Variants in KCP observed in about 807,000 individuals in gnomAD.
KCP encodes kielin/chordin-like protein.
KCP carries 194 observed loss-of-function variants against 212.7 expected under a neutral mutation model. The ratio of observed to expected loss-of-function variants is 0.91; its 90% CI spans 0.81 to 1.03. KCP has a LOEUF of 1.03. Among genes scored for constraint, KCP ranks in the 50% least tolerant of loss-of-function variants. The pLI is 0.00. For missense variants in KCP, 2,080 were observed against 2,162.5 expected, an observed-to-expected ratio of 0.96 and a Z score of 0.76; for synonymous variants, 833 against 865.3, an observed-to-expected ratio of 0.96 and a Z score of 0.65.
rs1242910848 is a variant in KCP at position 128,891,171 on chromosome 7, G to C, written c.1972+14C>G. On this transcript the variant is annotated intron_variant, in intron 19 of 39. Coordinates refer to ENST00000610776, the MANE Select transcript of KCP (RefSeq NM_001366122.1). Reference sequence around the variant, plus strand: ...GACCCCCAGGGAGGAGCAGCCGAGGGGTGCGGCCCCTACCTGGGCACTGCG... The same window carrying C: ...GACCCCCAGGGAGGAGCAGCCGAGGCGTGCGGCCCCTACCTGGGCACTGCG... The C allele has an allele frequency of 6.5e-7, 1 of 1,541,434 alleles. No individual in the cohort carries two copies. The highest frequency in any genetic ancestry group is 8.7e-7 in the Non-Finnish European group (1 of 1,146,072).
chr7:128,892,894 G>A lies in KCP; in HGVS notation c.1395C>T (p.Pro465=). Residue 465 remains proline (P), a synonymous_variant, in exon 14 of 40, where the codon CCC becomes CCT. Transcript: ENST00000610776. ...CAGGGGGCTGGGTGGGGTGCTGGCA[G>A]GGGGCTGGGGGGCAGAGCACAGCCC... The part of the protein sequence containing the change: ...KCGAVLCPPA[P]CQHPTQPPGA... 6.5e-7 allele frequency: 1 copy of A among 1,546,972 alleles called. No homozygotes were observed. The highest frequency in any genetic ancestry group is 8.7e-7 in the Non-Finnish European group (1 of 1,143,300).
At chr7:128,906,469 G>C in intron 4 of KCP, 106 bp from the exon 5 acceptor site, 1 of 805,042 alleles carries the variant, frequency 1.2e-6, no homozygotes, top group East Asian at 2.7e-5. Flanking sequence ...AGGGGCAAGA[G>C]GATGAGTTGG....
In KCP at chr7:128,884,761, A is replaced by G; in HGVS notation, c.3123+20T>C. On this transcript the variant is annotated intron_variant, in intron 28 of 39. Transcript: ENST00000610776. ...CCCCCCGACGAGGTGCCCCAGCCCC[A>G]CCACTGTGCCCTCACCTACCTCGCA... The G allele has an allele frequency of 6.5e-7, 1 of 1,549,986 alleles. No homozygotes were observed. Among genetic ancestry groups the G allele is most frequent in the Non-Finnish European group, 8.7e-7 (1 of 1,146,402 alleles).
chr7:128,877,605 G>C lies in KCP; in HGVS notation c.4497C>G (p.Asp1499Glu), dbSNP rs138150784. 8.0e-5 allele frequency: 124 copies of C among 1,551,710 alleles called. No individual in the cohort carries two copies. In the African/African-American group the frequency reaches 1.6e-3, roughly 19 times the overall value. ...PEPFFAACVYDLCACGPGSSA... is the reference protein window; with the variant it reads ...PEPFFAACVYELCACGPGSSA... ...AGGAGCCAGGGCCACAGGCACACAG[G>C]TCATACACACAGGCGGCAAAGAAGG... Residue 1499 changes from aspartate (D) to glutamate (E), a missense_variant, in exon 39 of 40, where the codon GAC (aspartate) becomes GAG (glutamate). Physicochemically the swap from Asp to Glu is conservative, Grantham distance 45. Coordinates refer to ENST00000610776, the MANE Select transcript of KCP (RefSeq NM_001366122.1).
At chr7:128,904,770 G>C (rs1341886029) in intron 5 of KCP, among the ~76,000 whole-genome samples, 1 of 152,240 alleles carries the variant, frequency 6.6e-6, no homozygotes, top group Non-Finnish European at 1.5e-5. Flanking sequence ...CCACATTAAA[G>C]GGGCACCATT....
rs938449312 is a variant in KCP, at chr7:128,885,385, A to T, written c.2867-115T>A. The T allele has an allele frequency of 4.6e-6, 5 of 1,089,660 alleles. No individual in the cohort carries two copies. In the African/African-American group the frequency reaches 6.3e-5, roughly 14 times the overall value. 67.5% of individuals were successfully genotyped at this position (1,089,660 alleles called of 1,614,324 possible). A position where few individuals can be genotyped will look rare whatever the true frequency, so the allele number is the denominator to read the frequency against. On this transcript the variant is annotated intron_variant, in intron 26 of 39. Transcript: ENST00000610776. ...TGGCGCCAGGAGTGAGTTTGCAGGGATATGGCGGGAAGGTGCGATGGGGCA... is the reference window on the plus strand; with the variant it reads ...TGGCGCCAGGAGTGAGTTTGCAGGGTTATGGCGGGAAGGTGCGATGGGGCA...
At chr7:128,896,393 G>A (rs992788727) in intron 8 of KCP, among the ~76,000 whole-genome samples, 1 of 152,160 alleles carries the variant, frequency 6.6e-6, no homozygotes, top group Non-Finnish European at 1.5e-5. Flanking sequence ...GAGGGTTAGA[G>A]GCCCCTCTGG....
rs765581393 is a variant in KCP, at chr7:128,902,728, G to A, written c.831+49C>T. 2.7e-6 allele frequency: 4 copies of A among 1,466,564 alleles called. No homozygotes were observed. The African/African-American group carries it at 4.2e-5, about 15-fold the overall frequency. The allele number at this position is 1,466,564 out of a possible 1,614,324, so 90.8% of individuals were successfully genotyped here. A position where few individuals can be genotyped will look rare whatever the true frequency, so the allele number is the denominator to read the frequency against. On this transcript the variant is annotated intron_variant, in intron 8 of 39. Coordinates refer to ENST00000610776, the MANE Select transcript of KCP (RefSeq NM_001366122.1). ...ATAGAATGAGCAAATGAATACAGTG[G>A]GCCTGAGGGCAGGGAGGGGGACAGA...
At chr7:128,877,815 G>GT in intron 38 of KCP, 25 bp from the exon 39 acceptor site, 1 of 1,527,180 alleles carries the variant, frequency 6.5e-7, no homozygotes, top group Non-Finnish European at 8.8e-7. Flanking sequence ...CAGCCCTGAC[G>GT]TGACAGCACC....
rs1371672076 is a variant in KCP, at chr7:128,882,010, A to G, written c.3251T>C (p.Leu1084Ser). The change falls in exon 30 of 40, where the codon TTG becomes TCG. Residue 1084 changes from leucine to serine, a missense_variant. Leu to Ser is a moderately radical substitution (Grantham distance 145). Transcript: ENST00000610776. The part of the protein sequence containing the change: ...QHCCPTCAEA[L>S]SNCSEGLLGS... ...CAGCAGGCCCTCTGAACAGTTACTCAAGGCCTCTGTGAAGACAAGAATCCA... is the reference window on the plus strand; with the variant it reads ...CAGCAGGCCCTCTGAACAGTTACTCGAGGCCTCTGTGAAGACAAGAATCCA... 6.4e-7 allele frequency: 1 copy of G among 1,550,960 alleles called. No individual in the cohort carries two copies. Among genetic ancestry groups the G allele is most frequent in the African/African-American group, 1.4e-5 (1 of 73,116 alleles).
chr7:128,895,526 G>A (rs1461561895), intron 8 of KCP, among the ~76,000 whole-genome samples: 1 of 152,234 alleles, frequency 6.6e-6, no homozygotes, highest in Non-Finnish European at 1.5e-5. Flanking sequence ...TGTGTCAGAG[G>A]CGTTTGAACC....
At chr7:128,885,769 C>T (rs528989113) in intron 26 of KCP, among the ~76,000 whole-genome samples, 2 of 152,160 alleles carry the variant, frequency 1.3e-5, no homozygotes, top group South Asian at 4.1e-4. Flanking sequence ...GGGTGTGGGA[C>T]GAGGGGGCAG....
intron 28 of KCP, 43 bp downstream of exon 28, chr7:128,884,738 C>T: frequency 6.5e-7 from 1 of 1,533,528 alleles, no homozygotes; most frequent in South Asian, 1.2e-5. Flanking sequence ...GCCCACTCCC[C>T]CCCGACGAGG....
At chr7:128,882,319 G>C (rs1432645681) in intron 29 of KCP, among the ~76,000 whole-genome samples, 1 of 152,192 alleles carries the variant, frequency 6.6e-6, no homozygotes, top group African/African-American at 2.4e-5. Context: ...TCTGCGGCCT[G>C]CTCTCCCTCC....
intron 8 of KCP, among the ~76,000 whole-genome samples, chr7:128,900,783 A>G (rs772022269): frequency 6.6e-6 from 1 of 152,222 alleles, no homozygotes; most frequent in Non-Finnish European, 1.5e-5. Flanking sequence ...AGGCAGGAAT[A>G]TCATTGCCCC....
intron 16 of KCP, 140 bp from the exon 17 acceptor site, chr7:128,891,959 G>C: frequency 1.7e-6 from 1 of 598,558 alleles, no homozygotes; most frequent in Non-Finnish European, 2.8e-6. Context: ...GTGCACATGT[G>C]TGCAGGCATG....
In KCP at chr7:128,904,056, C is replaced by T; in HGVS notation, c.654G>A (p.Leu218=). The change falls in exon 6 of 40, where the codon CTG becomes CTA. Residue 218 remains leucine (L), a splice_region_variant and synonymous_variant. Coordinates refer to ENST00000610776, the MANE Select transcript of KCP (RefSeq NM_001366122.1). The part of the protein sequence containing the change: ...SSNPCLQCTC[L]RSRVRCMALK... ...GGGCAGAGGGGACAGGTGGACTCACCAGGCAGGTGCACTGTAGACAAGGGT... is the reference window on the plus strand; with the variant it reads ...GGGCAGAGGGGACAGGTGGACTCACTAGGCAGGTGCACTGTAGACAAGGGT... The T allele has an allele frequency of 6.4e-7, 1 of 1,551,328 alleles. No homozygotes were observed. Among genetic ancestry groups the T allele is most frequent in the Non-Finnish European group, 8.7e-7 (1 of 1,146,784 alleles).
At chr7:128,897,116 T>G (rs959734661) in intron 8 of KCP, among the ~76,000 whole-genome samples, 1 of 152,146 alleles carries the variant, frequency 6.6e-6, no homozygotes, top group African/African-American at 2.4e-5. Context: ...AAAAGAAGAA[T>G]GTGTGAGCTA....
chr7:128,879,232 C>T (rs1793170978), intron 37 of KCP: 2 of 465,148 alleles, frequency 4.3e-6, no homozygotes, highest in South Asian at 6.2e-5. Context: ...CTGCCACTGA[C>T]CCTTCCCATT....
Sources: gnomAD v4.1 joint callset for allele counts (sites outside exome capture counted in the v4.1 genomes callset) on GRCh38, gnomAD v4.1.1 for gene constraint, MANE v1.5 for transcripts, NCBI Gene and HGNC (gene_info 2026-07-23, HGNC 2026-07-21) for gene names.